Variants in SNTB1 observed in about 807,000 individuals in gnomAD.
SNTB1 encodes the protein syntrophin beta 1.
SNTB1 carries 36 observed loss-of-function variants against 48.9 expected under a neutral mutation model. The observed-to-expected ratio is 0.74, with a 90% CI of 0.56 to 0.97. The LOEUF (loss-of-function observed/expected upper bound fraction) is 0.97. Ranked by LOEUF, SNTB1 falls within the 50% of genes least tolerant of loss-of-function variation. SNTB1 has a pLI of 0.00. For synonymous variants in SNTB1, 299 were observed against 294.6 expected (o/e 1.01, Z -0.15); for missense variants, 786 against 703.4 (o/e 1.12, Z -1.33).
intron 1 of SNTB1, among the ~76,000 whole-genome samples, chr8:120,770,327 C>T (rs1204458451): frequency 2.0e-5 from 3 of 151,846 alleles, no homozygotes; most frequent in Non-Finnish European, 4.4e-5. Flanking sequence ...GGATCCTTTC[C>T]TTGGCTTCAC....
chr8:120,649,937 C>T (rs950024186), intron 2 of SNTB1, among the ~76,000 whole-genome samples: 7 of 152,304 alleles, frequency 4.6e-5, no homozygotes, highest in African/African-American at 1.7e-4. Context: ...TTTCCAGGTG[C>T]TGTCCATCAC....
At chr8:120,542,135 T>C (rs1337505070) in intron 5 of SNTB1, 135 bp from the exon 6 acceptor site, 1 of 610,362 alleles carries the variant, frequency 1.6e-6, no homozygotes, top group Non-Finnish European at 2.8e-6. Context: ...AATATAGTCA[T>C]TGTTCATGAA....
intron 1 of SNTB1, among the ~76,000 whole-genome samples, chr8:120,729,837 T>G (rs1026828844): frequency 1.3e-5 from 2 of 152,234 alleles, no homozygotes; most frequent in African/African-American, 4.8e-5. Context: ...GACACTCAGT[T>G]TGTTAGATGC....
At chr8:120,653,895 C>G (rs1379130267) in intron 2 of SNTB1, among the ~76,000 whole-genome samples, 1 of 151,208 alleles carries the variant, frequency 6.6e-6, no homozygotes, top group Admixed American at 6.6e-5. Context: ...AAAAATTAGC[C>G]GGGCATTGTG....
At chr8:120,722,249 C>G (rs574394826) in intron 1 of SNTB1, among the ~76,000 whole-genome samples, 20 of 152,138 alleles carry the variant, frequency 1.3e-4, no homozygotes, top group Admixed American at 2.6e-4. Context: ...ATAATCCTTT[C>G]GGTATATACC....
At chr8:120,639,091 G>A (rs1227793803) in intron 2 of SNTB1, among the ~76,000 whole-genome samples, 1 of 152,192 alleles carries the variant, frequency 6.6e-6, no homozygotes, top group Non-Finnish European at 1.5e-5. Flanking sequence ...ATTCTAACTG[G>A]TGTGAGATGG....
chr8:120,611,407 A>C (rs917997043), intron 3 of SNTB1, among the ~76,000 whole-genome samples: 6 of 152,218 alleles, frequency 3.9e-5, no homozygotes, highest in African/African-American at 1.4e-4. Flanking sequence ...ATTATTTAAA[A>C]ATATTTGTGG....
At chr8:120,778,218 G>C (rs560586641) in intron 1 of SNTB1, among the ~76,000 whole-genome samples, 1 of 152,270 alleles carries the variant, frequency 6.6e-6, no homozygotes, top group Admixed American at 6.5e-5. Flanking sequence ...CTGTTCCCAG[G>C]AACATTTCTT....
chr8:120,728,443 T>C (rs1045446639), intron 1 of SNTB1, among the ~76,000 whole-genome samples: 6 of 152,228 alleles, frequency 3.9e-5, no homozygotes, highest in African/African-American at 1.4e-4. Flanking sequence ...ACCCAGGTAC[T>C]GAGCATAGTA....
intron 1 of SNTB1, among the ~76,000 whole-genome samples, chr8:120,792,386 T>C (rs569640505): frequency 2.9e-4 from 44 of 152,062 alleles, no homozygotes; most frequent in Admixed American, 1.1e-3. Context: ...AAAACCTGTC[T>C]ATTGGGTACA....
At chr8:120,695,575 A>T (rs1035896266) in intron 1 of SNTB1, among the ~76,000 whole-genome samples, 1 of 152,210 alleles carries the variant, frequency 6.6e-6, no homozygotes, top group Non-Finnish European at 1.5e-5. Context: ...CTACGGCACA[A>T]AGTAGAATGA....
At chr8:120,659,132 T>G (rs1349921467) in intron 2 of SNTB1, among the ~76,000 whole-genome samples, 1 of 151,990 alleles carries the variant, frequency 6.6e-6, no homozygotes, top group Non-Finnish European at 1.5e-5. Flanking sequence ...TCTGGTTAAT[T>G]TTTGTATTTT....
intron 4 of SNTB1, among the ~76,000 whole-genome samples, chr8:120,553,521 T>C (rs536606577): frequency 1.5e-4 from 23 of 152,336 alleles, no homozygotes; most frequent in African/African-American, 5.5e-4. Flanking sequence ...GTCCTCTGGA[T>C]ACAGCATTAC....
chr8:120,793,576 T>G (rs1384831126), intron 1 of SNTB1, among the ~76,000 whole-genome samples: 1 of 151,990 alleles, frequency 6.6e-6, no homozygotes, highest in East Asian at 1.9e-4. Context: ...AGGAACCAGC[T>G]CCAGTTCAAA....
chr8:120,557,053 GGAGT>G, intron 4 of SNTB1, among the ~76,000 whole-genome samples: 1 of 152,110 alleles, frequency 6.6e-6, no homozygotes. Context: ...GTTTATACAG[GGAGT>G]CAAAACAGTA....
At chr8:120,799,546 C>T (rs1023499522) in intron 1 of SNTB1, among the ~76,000 whole-genome samples, 1 of 150,940 alleles carries the variant, frequency 6.6e-6, no homozygotes, top group African/African-American at 2.4e-5. Flanking sequence ...AAAATCAATA[C>T]AAGAGTTGTA....
intron 1 of SNTB1, among the ~76,000 whole-genome samples, chr8:120,718,187 G>A (rs1247534036): frequency 6.6e-6 from 1 of 152,366 alleles, no homozygotes; most frequent in East Asian, 1.9e-4. Context: ...AGGATGCAAA[G>A]GCTCCAAGCT....
chr8:120,715,109 T>C (rs2129930032), intron 1 of SNTB1, among the ~76,000 whole-genome samples: 1 of 152,380 alleles, frequency 6.6e-6, no homozygotes, highest in South Asian at 2.1e-4. Context: ...GTCTTGTAAC[T>C]TCCCCTTATT....
At chr8:120,596,465 T>C (rs1816327088) in intron 3 of SNTB1, among the ~76,000 whole-genome samples, 1 of 152,242 alleles carries the variant, frequency 6.6e-6, no homozygotes, top group South Asian at 2.1e-4. Context: ...TGCAGATTTA[T>C]AGCTGCACAG....
Sources: allele counts gnomAD v4.1 joint callset (sites outside exome capture counted in the v4.1 genomes callset), GRCh38; gene constraint gnomAD v4.1.1; transcripts MANE v1.5; gene names NCBI Gene and HGNC (gene_info 2026-07-23, HGNC 2026-07-21).